Variants in GFRAL observed in about 807,000 individuals in gnomAD.
GFRAL encodes the protein GDNF family receptor alpha-like.
A neutral mutation model predicts 45.4 loss-of-function variants in GFRAL; 36 were observed. That is an observed-to-expected ratio of 0.79 (90% CI 0.61 to 1.05). GFRAL has a LOEUF of 1.05. Among genes scored for constraint, GFRAL ranks in the 50% least tolerant of loss-of-function variants. GFRAL has a pLI of 0.00. For missense variants in GFRAL, 507 were observed against 467.5 expected (o/e 1.08, Z -0.78); for synonymous variants, 166 against 154.1 (o/e 1.08, Z -0.57).
At position 55,399,390 on chromosome 6, in the gene GFRAL, T is replaced by C. The variant is rs1023975981; in HGVS notation, c.1070T>C (p.Met357Thr). 3 of 1,611,368 alleles carry C rather than the reference T, an allele frequency of 1.9e-6. No homozygotes were observed. The highest frequency in any genetic ancestry group is 1.3e-5 in the African/African-American group (1 of 74,864). The change falls in exon 8 of 9, where the codon ATG (methionine) becomes ACG (threonine). Residue 357 changes from methionine to threonine, a missense_variant. By Grantham distance (81) the Met-to-Thr change is moderately conservative. Coordinates refer to ENST00000340465, the MANE Select transcript of GFRAL (RefSeq NM_207410.2). ...PFNGEVIYAA[M>T]CMTVTCGILL... ...CTAGGAGAAGTAATCTATGCTGCCATGTGCATGACAGTCACCTGTGGAATC... is the reference window on the plus strand; with the variant it reads ...CTAGGAGAAGTAATCTATGCTGCCACGTGCATGACAGTCACCTGTGGAATC...
chr6:55,369,700 A>G (rs1158178465), intron 6 of GFRAL, among the ~76,000 whole-genome samples: 2 of 152,216 alleles, frequency 1.3e-5, no homozygotes, highest in African/African-American at 4.8e-5. Flanking sequence ...ACACTGAAAA[A>G]AAAACAGTTT....
At chr6:55,329,043 T>C (rs1421340494) in intron 1 of GFRAL, among the ~76,000 whole-genome samples, 1 of 152,112 alleles carries the variant, frequency 6.6e-6, no homozygotes, top group Non-Finnish European at 1.5e-5. Context: ...ATCCATCTTA[T>C]TAATTTAAAA....
At chr6:55,340,507 C>T (rs1326840025) in intron 3 of GFRAL, among the ~76,000 whole-genome samples, 2 of 152,046 alleles carry the variant, frequency 1.3e-5, no homozygotes, top group African/African-American at 4.8e-5. Flanking sequence ...TAAAGAGCAT[C>T]ATCAAATGAA....
chr6:55,372,561 C>T (rs1768465344), intron 6 of GFRAL, among the ~76,000 whole-genome samples: 1 of 152,130 alleles, frequency 6.6e-6, no homozygotes, highest in Admixed American at 6.6e-5. Context: ...AGCATAGGAC[C>T]TCTAAGTCTT....
intron 5 of GFRAL, among the ~76,000 whole-genome samples, chr6:55,354,811 A>G (rs939886707): frequency 6.6e-6 from 1 of 152,006 alleles, no homozygotes; most frequent in Admixed American, 6.6e-5. Flanking sequence ...GTTTTAAAAT[A>G]CAATTTCTGT....
At position 55,400,502 on chromosome 6, in the gene GFRAL, G is replaced by A. The variant is rs150808407; in HGVS notation, c.1121+1061G>A. 3.2e-3 allele frequency among the ~76,000 whole-genome samples: 482 copies of A among 152,230 alleles called. 3 individuals are homozygous for A. The highest frequency in any genetic ancestry group is 9.7e-3 in the African/African-American group (405 of 41,554). ...AAAAGACTGGCATGAGAAGGTGTAC[G>A]GTGATACCAAGGGGTCAGGTACATA... On this transcript the variant is annotated intron_variant, in intron 8 of 8. Transcript: ENST00000340465.
chr6:55,393,946 A>C (rs1768788906), intron 6 of GFRAL, among the ~76,000 whole-genome samples: 1 of 152,210 alleles, frequency 6.6e-6, no homozygotes, highest in Admixed American at 6.5e-5. Context: ...GGGGGTATTT[A>C]TTGAAGCACC....
intron 3 of GFRAL, among the ~76,000 whole-genome samples, chr6:55,336,398 T>C (rs1767891907): frequency 6.6e-6 from 1 of 152,224 alleles, no homozygotes; most frequent in Non-Finnish European, 1.5e-5. Context: ...TTCATTTATT[T>C]ATAACTTCAT....
intron 1 of GFRAL, 72 bp downstream of exon 1, chr6:55,327,648 C>T: frequency 2.9e-6 from 4 of 1,399,458 alleles, no homozygotes; most frequent in Non-Finnish European, 4.0e-6. Context: ...AATACCATCA[C>T]ACTTAAGCTT....
intron 3 of GFRAL, among the ~76,000 whole-genome samples, chr6:55,338,857 T>G (rs1441138787): frequency 6.6e-6 from 1 of 152,166 alleles, no homozygotes; most frequent in Non-Finnish European, 1.5e-5. Context: ...CTTACATATC[T>G]TTCTAAAGAG....
At chr6:55,370,560 T>A (rs4715535) in intron 6 of GFRAL, among the ~76,000 whole-genome samples, 1 of 152,104 alleles carries the variant, frequency 6.6e-6, no homozygotes, top group African/African-American at 2.4e-5. Context: ...TGTAGCTTGA[T>A]CATCTTAGTA....
chr6:55,332,462 C>G (rs1436955447), intron 2 of GFRAL, among the ~76,000 whole-genome samples: 2 of 151,812 alleles, frequency 1.3e-5, no homozygotes, highest in Non-Finnish European at 1.5e-5. Flanking sequence ...GGTCTGTCGC[C>G]AGGCTGGAGT....
intron 2 of GFRAL, among the ~76,000 whole-genome samples, chr6:55,333,245 G>C (rs1767852734): frequency 6.6e-6 from 1 of 152,024 alleles, no homozygotes; most frequent in Non-Finnish European, 1.5e-5. Context: ...AAATGTTCAG[G>C]TAGAGGATTA....
intron 3 of GFRAL, among the ~76,000 whole-genome samples, chr6:55,346,722 T>G: frequency 6.6e-6 from 1 of 151,172 alleles, no homozygotes; most frequent in Non-Finnish European, 1.5e-5. Context: ...GACCATATGT[T>G]GAGTCAAAGC....
intron 3 of GFRAL, among the ~76,000 whole-genome samples, chr6:55,348,159 T>C (rs1440813886): frequency 3.3e-5 from 5 of 152,094 alleles, no homozygotes; most frequent in Non-Finnish European, 5.9e-5. Context: ...AATACTTTTA[T>C]TTGTTTCCTG....
chr6:55,384,490 C>A (rs1040641344), intron 6 of GFRAL, among the ~76,000 whole-genome samples: 1 of 152,010 alleles, frequency 6.6e-6, no homozygotes, highest in Non-Finnish European at 1.5e-5. Context: ...CATTTGATAA[C>A]AACTGATGGG....
chr6:55,378,771 A>C (rs1490413144), intron 6 of GFRAL, among the ~76,000 whole-genome samples: 1 of 151,896 alleles, frequency 6.6e-6, no homozygotes, highest in African/African-American at 2.4e-5. Context: ...CTTTCCATAC[A>C]AAGTGAACAG....
chr6:55,371,055 G>T (rs1455533536), intron 6 of GFRAL, among the ~76,000 whole-genome samples: 1 of 152,120 alleles, frequency 6.6e-6, no homozygotes, highest in African/African-American at 2.4e-5. Flanking sequence ...TCTAAAAAGT[G>T]ATATTGAGCC....
intron 6 of GFRAL, among the ~76,000 whole-genome samples, chr6:55,363,602 C>T (rs9767069): frequency 8.3e-6 from 1 of 120,820 alleles, no homozygotes. Context: ...CCCACCCCAC[C>T]TCAGTCCCCA....
Sources: allele counts gnomAD v4.1 joint callset (sites outside exome capture counted in the v4.1 genomes callset), GRCh38; gene constraint gnomAD v4.1.1; transcripts MANE v1.5; gene names NCBI Gene and HGNC (gene_info 2026-07-23, HGNC 2026-07-21).